The following CLIP3 variants were observed in gnomAD, a reference collection of about 807,000 sequenced individuals.
CLIP3 encodes the protein CAP-Gly domain containing linker protein 3.
Under a neutral mutation model 59.4 loss-of-function variants are expected in CLIP3, and 15 were observed. The observed-to-expected ratio is 0.25, with a 90% CI of 0.17 to 0.39. CLIP3 has a LOEUF of 0.39. CLIP3 is among the 10% of genes least tolerant of loss of function. The pLI, the probability that CLIP3 is intolerant of heterozygous loss-of-function variation, is 1.00. For missense variants in CLIP3, 495 were observed against 765.7 expected, an observed-to-expected ratio of 0.65 and a Z score of 4.17; for synonymous variants, 300 against 321.6, an observed-to-expected ratio of 0.93 and a Z score of 0.72.
chr19:36,025,095 G>C (rs574692141), intron 6 of CLIP3, among the ~76,000 whole-genome samples: 16 of 151,600 alleles, frequency 1.1e-4, no homozygotes, highest in Non-Finnish European at 1.9e-4. Context: ...GGGCAGGGCA[G>C]AAAGGTGCAG....
chr19:36,017,426 G>A lies in CLIP3; in HGVS notation c.1476C>T (p.Pro492=), dbSNP rs576925475. The change falls in exon 12 of 14, where the codon CCC becomes CCT. Residue 492 remains proline, a synonymous_variant. Transcript: ENST00000360535. The stretch of plus-strand genomic sequence containing the variant: ...CTTTTTTGGCTCCAACGCTGTCCCC[G>A]GGGGAATCAGTGGATCCGCCAATCC... ...IQRIGGSTDS[P]GDSVGAKKVH... 26 of 1,614,034 alleles carry A rather than the reference G, an allele frequency of 1.6e-5. No homozygotes were observed. Among genetic ancestry groups the A allele is most frequent in the Middle Eastern group, 1.6e-4 (1 of 6,062 alleles).
chr19:36,031,512 A>G (rs1969266696), intron 2 of CLIP3, among the ~76,000 whole-genome samples: 1 of 152,194 alleles, frequency 6.6e-6, no homozygotes, highest in Non-Finnish European at 1.5e-5. Flanking sequence ...TCGCTCGGTC[A>G]ATGATTAGAC....
chr19:36,026,334 G>A lies in CLIP3; in HGVS notation c.563-69C>T. ...GACCCCAGCCCTCCTCCCACCTCGG[G>A]GCTCATCTCTTAACTTGCAGGTCCC... On this transcript the variant is annotated intron_variant, in intron 5 of 13. Transcript: ENST00000360535. The surrounding 1 kb of genome is among the most constrained non-coding windows in gnomAD (Gnocchi z 6.3). The A allele has an allele frequency of 7.2e-7, 1 of 1,383,052 alleles. No individual in the cohort carries two copies. The highest frequency in any genetic ancestry group is 1.2e-5 in the South Asian group (1 of 84,210). The allele number at this position is 1,383,052 out of a possible 1,614,324, so 85.7% of individuals were successfully genotyped here.
At chr19:36,023,937 C>T (rs1969020142) in intron 7 of CLIP3, among the ~76,000 whole-genome samples, 1 of 152,222 alleles carries the variant, frequency 6.6e-6, no homozygotes, top group African/African-American at 2.4e-5. Context: ...GCTGAGACTC[C>T]TTTCTCCCTT....
rs1049321836 is a variant in CLIP3, at chr19:36,026,205, C to T, written c.623G>A (p.Ser208Asn). 1 of 1,613,808 alleles carries T rather than the reference C, an allele frequency of 6.2e-7. No individual in the cohort carries two copies. ...ACATTTGGCGGCGCCCAGGCACAGG[C>T]TGGAAGCAGCGATGTGCAGGGCTGA... ...HGSALHIAAS[S>N]LCLGAAKCLL... Residue 208 changes from serine to asparagine, a missense_variant, in exon 6 of 14, where the codon AGC becomes AAC. Ser to Asn is a conservative substitution (Grantham distance 46). This residue lies in a region of CLIP3 where 194 missense variants were observed against 327.8 expected (regional missense o/e 0.59). Transcript: ENST00000360535. This position sits in a 1 kb window ranked among gnomAD's most constrained non-coding sequence, Gnocchi z 6.3.
intron 9 of CLIP3, among the ~76,000 whole-genome samples, chr19:36,018,518 G>T (rs1968861418): frequency 6.6e-6 from 1 of 150,576 alleles, no homozygotes; most frequent in Admixed American, 6.6e-5. Context: ...GGAGGCGGAG[G>T]TTGCGGTGAG....
At chr19:36,028,678 C>T (rs1363619949) in intron 2 of CLIP3, among the ~76,000 whole-genome samples, 1 of 152,178 alleles carries the variant, frequency 6.6e-6, no homozygotes, top group African/African-American at 2.4e-5. Flanking sequence ...TCCTCCAGCT[C>T]CCAACCCATC....
intron 2 of CLIP3, among the ~76,000 whole-genome samples, chr19:36,031,002 TCTTTTCTTTTTTTTTTTTTTC>T (rs1969241427): frequency 9.8e-6 from 1 of 101,684 alleles, no homozygotes; most frequent in African/African-American, 4.7e-5. Flanking sequence ...TTTCTTTTTT[TCTTTTCTTTTTTTTTTTTTTC>T]TTTTTTTTTT....
In CLIP3 at chr19:36,016,271, A is replaced by G; in HGVS notation, c.1590-59T>C. ...GCAGGCAGCGGGGACATCTGCACCC[A>G]TCACCCCCAGCCTTTCCCCCAGTGT... On this transcript the variant is annotated intron_variant, in intron 13 of 13. Coordinates refer to ENST00000360535, the MANE Select transcript of CLIP3 (RefSeq NM_015526.3). This position sits in a 1 kb window ranked among gnomAD's most constrained non-coding sequence, Gnocchi z 4.1. 6.3e-7 allele frequency: 1 copy of G among 1,587,638 alleles called. No homozygotes were observed.
Position 36,018,977 on chromosome 19 carries a change from G to C in CLIP3, c.1104C>G (p.Pro368=), listed in dbSNP as rs190467252. The change falls in exon 9 of 14, where the codon CCC becomes CCG. Residue 368 remains proline, a synonymous_variant. Coordinates refer to ENST00000360535, the MANE Select transcript of CLIP3 (RefSeq NM_015526.3). ...SKISKAVDAP[P]SSVTSTPRTP... ...TCCGGGGTGTGGAGGTGACAGAGGA[G>C]GGGGGTGCGTCCACTGCCTTGGAGA... 1.2e-6 allele frequency: 2 copies of C among 1,604,656 alleles called. No individual in the cohort carries two copies. The highest frequency in any genetic ancestry group is 3.4e-5 in the Admixed American group (2 of 58,548).
At chr19:36,031,005 TTTCTTTTTTTTTTTTTTC>T (rs1197491472) in intron 2 of CLIP3, among the ~76,000 whole-genome samples, 1,341 of 83,264 alleles carry the variant, frequency 0.016, 24 homozygotes, top group African/African-American at 0.077. Flanking sequence ...CTTTTTTTCT[TTTCTTTTTTTTTTTTTTC>T]TTTTTTTTTT....
rs1013057425 is a variant in CLIP3 at position 36,015,167 on chromosome 19, T to C, written c.*991A>G. 12 of 152,152 alleles carry C rather than the reference T, an allele frequency of 7.9e-5. No homozygotes were observed. The highest frequency in any genetic ancestry group is 1.3e-4 in the Non-Finnish European group (9 of 68,060). 9.4% of individuals were successfully genotyped at this position (152,152 alleles called of 1,614,324 possible). A position where few individuals can be genotyped will look rare whatever the true frequency, so the allele number is the denominator to read the frequency against. ...GATTGGGTTTCCTGGGGACTTGGGA[T>C]TGGATTTTCAAATTTGGGATTCCCT... On this transcript the variant is annotated 3_prime_UTR_variant, in exon 14 of 14. Coordinates refer to ENST00000360535, the MANE Select transcript of CLIP3 (RefSeq NM_015526.3).
chr19:36,016,885 G>A lies in CLIP3; in HGVS notation c.1589+22C>T, dbSNP rs750360924. The A allele has an allele frequency of 6.2e-7, 1 of 1,611,414 alleles. No individual in the cohort carries two copies. On this transcript the variant is annotated intron_variant, in intron 13 of 13. Coordinates refer to ENST00000360535, the MANE Select transcript of CLIP3 (RefSeq NM_015526.3). This position sits in a 1 kb window ranked among gnomAD's most constrained non-coding sequence, Gnocchi z 4.1. ...TCTCCCTGAATGTCACATAGGAGAGGGGACAGGGGTTGGCCACACACCTGG... is the reference window on the plus strand; with the variant it reads ...TCTCCCTGAATGTCACATAGGAGAGAGGACAGGGGTTGGCCACACACCTGG...
In CLIP3 at chr19:36,026,925, T is replaced by C; in HGVS notation, c.400+27A>G. The C allele has an allele frequency of 1.3e-6, 2 of 1,527,878 alleles. No homozygotes were observed. Among genetic ancestry groups the C allele is most frequent in the Non-Finnish European group, 8.8e-7 (1 of 1,140,980 alleles). 94.6% of individuals were successfully genotyped at this position (1,527,878 alleles called of 1,614,324 possible). A position where few individuals can be genotyped will look rare whatever the true frequency, so the allele number is the denominator to read the frequency against. ...GTCTGGGGGCCTAGGCTTTGGGGCT[T>C]ATGACTTGGGGGTAGGGGGCCCTCA... On this transcript the variant is annotated intron_variant, in intron 4 of 13. Coordinates refer to ENST00000360535, the MANE Select transcript of CLIP3 (RefSeq NM_015526.3). This position sits in a 1 kb window ranked among gnomAD's most constrained non-coding sequence, Gnocchi z 6.3.
chr19:36,030,140 C>T (rs762062048), intron 2 of CLIP3, among the ~76,000 whole-genome samples: 3 of 152,112 alleles, frequency 2.0e-5, no homozygotes, highest in Non-Finnish European at 4.4e-5. Flanking sequence ...ACTGCAGCAT[C>T]GAATTCTCAG....
intron 7 of CLIP3, among the ~76,000 whole-genome samples, chr19:36,021,034 CA>C (rs1026628984): frequency 2.6e-5 from 4 of 151,946 alleles, no homozygotes; most frequent in Admixed American, 2.0e-4. Context: ...AAAACAACAA[CA>C]ACAACAACAA....
rs1021614187 is a variant in CLIP3, at chr19:36,015,237, A to G, written c.*921T>C. The G allele has an allele frequency of 3.3e-5, 5 of 152,130 alleles. No individual in the cohort carries two copies. Among genetic ancestry groups the G allele is most frequent in the African/African-American group, 9.7e-5 (4 of 41,376 alleles). 9.4% of individuals were successfully genotyped at this position (152,130 alleles called of 1,614,324 possible). On this transcript the variant is annotated 3_prime_UTR_variant, in exon 14 of 14. Coordinates refer to ENST00000360535, the MANE Select transcript of CLIP3 (RefSeq NM_015526.3). ...ATTTGGGGGTCCTAGGAGTTACGGC[A>G]TTGGGGTCTTCTAGGGGCTGTAGGA...
Position 36,032,386 on chromosome 19 carries a change from G to A in CLIP3, c.-29C>T. The A allele has an allele frequency of 1.7e-6, 2 of 1,185,344 alleles. No individual in the cohort carries two copies. The highest frequency in any genetic ancestry group is 2.1e-6 in the Non-Finnish European group (2 of 931,742). 73.4% of individuals were successfully genotyped at this position (1,185,344 alleles called of 1,614,324 possible). On this transcript the variant is annotated 5_prime_UTR_variant, in exon 2 of 14. Transcript: ENST00000360535. The surrounding 1 kb of genome is among the most constrained non-coding windows in gnomAD (Gnocchi z 4.3). Reference sequence around the variant, plus strand: ...CCTCGGTGGCCCTCGGGGGGCGGGTGCAGAGTTGGGGGCAGCCTTCAGGCA... The same window carrying A: ...CCTCGGTGGCCCTCGGGGGGCGGGTACAGAGTTGGGGGCAGCCTTCAGGCA...
chr19:36,032,126 G>A lies in CLIP3; in HGVS notation c.166+66C>T, dbSNP rs757804545. 10 of 923,362 alleles carry A rather than the reference G, an allele frequency of 1.1e-5. No homozygotes were observed. The highest frequency in any genetic ancestry group is 1.4e-5 in the Non-Finnish European group (10 of 691,262). The allele number at this position is 923,362 out of a possible 1,614,324, so 57.2% of individuals were successfully genotyped here. ...TTCTCCCACCATCACCACCAGCAGA[G>A]CACAGCCCACCCTCCCCGGCCACCC... On this transcript the variant is annotated intron_variant, in intron 2 of 13. Transcript: ENST00000360535. The surrounding 1 kb of genome is among the most constrained non-coding windows in gnomAD (Gnocchi z 4.3).
Sources: gnomAD v4.1 joint callset for allele counts (sites outside exome capture counted in the v4.1 genomes callset) on GRCh38, gnomAD v4.1.1 for gene constraint, gnomAD v4.1.1 regional missense constraint, Gnocchi (gnomAD v3.1) non-coding constraint, MANE v1.5 for transcripts, NCBI Gene and HGNC (gene_info 2026-07-23, HGNC 2026-07-21) for gene names.